Variants in GNA13 observed in about 807,000 individuals in gnomAD.
GNA13 encodes G protein subunit alpha 13.
GNA13 carries 4 observed loss-of-function variants against 33.5 expected under a neutral mutation model. The ratio of observed to expected loss-of-function variants is 0.12; its 90% confidence interval spans 0.06 to 0.27. GNA13 has a LOEUF of 0.27. Among genes scored for constraint, GNA13 ranks in the 10% least tolerant of loss-of-function variants. The pLI is 1.00. For missense variants in GNA13, 319 were observed against 487.2 expected (o/e 0.65, Z 3.25); for synonymous variants, 176 against 183.8 (o/e 0.96, Z 0.34).
In GNA13 at chr17:65,018,273, A is replaced by C; in HGVS notation, c.541T>G (p.Leu181Val). The C allele has an allele frequency of 6.5e-7, 1 of 1,530,902 alleles. No homozygotes were observed. Among genetic ancestry groups the C allele is most frequent in the Non-Finnish European group, 9.1e-7 (1 of 1,104,258 alleles). 94.8% of individuals were successfully genotyped at this position (1,530,902 alleles called of 1,614,324 possible). ...CTTACTGGTTCTCCAAGTTTATCCA[A>C]GTTATCCAGGAAATATTTTACAGAT... ...GESVKYFLDN[L>V]DKLGEPDYIP... Residue 181 changes from leucine (L) to valine (V), a missense_variant, in exon 3 of 4, where the codon TTG becomes GTG. Leu to Val is a conservative substitution (Grantham distance 32, BLOSUM62 1). This residue lies in a region of GNA13 where 136 missense variants were observed against 159.3 expected (regional missense o/e 0.85). Transcript: ENST00000439174.
At chr17:65,045,454 C>T (rs954164265) in intron 2 of GNA13, among the ~76,000 whole-genome samples, 27 of 118,972 alleles carry the variant, frequency 2.3e-4, no homozygotes, top group African/African-American at 8.5e-4. Context: ...GTGGAAGATG[C>T]AATGAGCTGG....
chr17:65,036,054 C>T (rs781336000), intron 2 of GNA13, among the ~76,000 whole-genome samples: 7 of 152,140 alleles, frequency 4.6e-5, no homozygotes, highest in Non-Finnish European at 5.9e-5. Context: ...GGTAATTCTA[C>T]GCCTATGATC....
rs74757351 is a variant in GNA13, at chr17:65,017,725, C to T, written c.561+528G>A. On this transcript the variant is annotated intron_variant, in intron 3 of 3. Coordinates refer to ENST00000439174, the MANE Select transcript of GNA13 (RefSeq NM_006572.6). ...CCTTTTAAATCTAGCCCTCCTACTC[C>T]GTGACTCGACACAAAGGGGGCATGA... Among the ~76,000 whole-genome samples the T allele has an allele frequency of 9.4e-3, 1,433 of 152,194 alleles. 22 individuals are homozygous for T. The highest frequency in any genetic ancestry group is 0.032 in the African/African-American group (1,346 of 41,520).
At chr17:65,053,292 G>GC in intron 2 of GNA13, 1 of 562,228 alleles carries the variant, frequency 1.8e-6, no homozygotes, top group Non-Finnish European at 3.1e-6. Context: ...AAGATATGTA[G>GC]CCTAAAGGTA....
chr17:65,014,179 A>T lies in GNA13; in HGVS notation c.*78T>A. 1.3e-6 allele frequency: 1 copy of T among 793,440 alleles called. No homozygotes were observed. Among genetic ancestry groups the T allele is most frequent in the South Asian group, 1.8e-5 (1 of 56,976 alleles). The allele number at this position is 793,440 out of a possible 1,614,324, so 49.1% of individuals were successfully genotyped here. A position where few individuals can be genotyped will look rare whatever the true frequency, so the allele number is the denominator to read the frequency against. On this transcript the variant is annotated 3_prime_UTR_variant, in exon 4 of 4. Transcript: ENST00000439174. This position sits in a 1 kb window ranked among gnomAD's most constrained non-coding sequence, Gnocchi z 5.3. ...AAGATTGTTCTAATTCTGGTTGTAA[A>T]CTGCTATTTTAAAAAACAAAACAAA... is the stretch of plus-strand genomic sequence containing the variant.
chr17:65,046,642 G>C (rs1257711654), intron 2 of GNA13, among the ~76,000 whole-genome samples: 3 of 152,206 alleles, frequency 2.0e-5, no homozygotes, highest in Admixed American at 1.3e-4. Context: ...GATAAGCAGG[G>C]AACATTCAAT....
chr17:65,037,263 AACC>A (rs1907280290), intron 2 of GNA13, among the ~76,000 whole-genome samples: 1 of 152,212 alleles, frequency 6.6e-6, no homozygotes, highest in African/African-American at 2.4e-5. Flanking sequence ...AGGTCAGAAA[AACC>A]ACAACTTACT....
At chr17:65,024,960 T>C (rs1241263856) in intron 2 of GNA13, among the ~76,000 whole-genome samples, 3 of 152,126 alleles carry the variant, frequency 2.0e-5, no homozygotes, top group Non-Finnish European at 4.4e-5. Flanking sequence ...ATGTAGCCAC[T>C]GTCGAGGCTC....
At chr17:65,030,885 TCTC>T (rs1281760816) in intron 2 of GNA13, among the ~76,000 whole-genome samples, 1 of 152,160 alleles carries the variant, frequency 6.6e-6, no homozygotes, top group Non-Finnish European at 1.5e-5. Flanking sequence ...TGTGTTGAGA[TCTC>T]TTTAGTTATG....
chr17:65,039,859 C>A (rs1046653762), intron 2 of GNA13, among the ~76,000 whole-genome samples: 2 of 152,216 alleles, frequency 1.3e-5, no homozygotes, highest in Admixed American at 1.3e-4. Flanking sequence ...TTCAGTAACA[C>A]GTGACTGCAT....
At chr17:65,039,499 T>C (rs1907380149) in intron 2 of GNA13, among the ~76,000 whole-genome samples, 1 of 152,180 alleles carries the variant, frequency 6.6e-6, no homozygotes, top group African/African-American at 2.4e-5. Context: ...CAGTTCTCCC[T>C]CACTCACTCC....
At chr17:65,029,445 C>T (rs1281065597) in intron 2 of GNA13, among the ~76,000 whole-genome samples, 3 of 152,188 alleles carry the variant, frequency 2.0e-5, no homozygotes, top group Admixed American at 6.5e-5. Context: ...ACCTTATGCT[C>T]CATTTTACAG....
At chr17:65,031,157 G>A (rs918674106) in intron 2 of GNA13, among the ~76,000 whole-genome samples, 1 of 152,174 alleles carries the variant, frequency 6.6e-6, no homozygotes, top group African/African-American at 2.4e-5. Flanking sequence ...TATATGGCAT[G>A]GCCTATTGCT....
chr17:65,027,175 T>G (rs533930260), intron 2 of GNA13, among the ~76,000 whole-genome samples: 16 of 152,334 alleles, frequency 1.1e-4, no homozygotes, highest in African/African-American at 3.8e-4. Context: ...TAATAATTTT[T>G]CTACAATTCT....
intron 2 of GNA13, among the ~76,000 whole-genome samples, chr17:65,027,459 T>TA (rs1906835025): frequency 6.6e-6 from 1 of 152,252 alleles, no homozygotes; most frequent in African/African-American, 2.4e-5. Flanking sequence ...GGGGGCCCTT[T>TA]AAAAATCTAA....
chr17:65,027,496 G>A (rs1037453337), intron 2 of GNA13, among the ~76,000 whole-genome samples: 5 of 152,092 alleles, frequency 3.3e-5, no homozygotes, highest in African/African-American at 1.2e-4. Flanking sequence ...AATTTCCATA[G>A]TGGTTTTATC....
chr17:65,028,262 G>A lies in GNA13; in HGVS notation c.511-9959C>T, dbSNP rs982514037. On this transcript the variant is annotated intron_variant, in intron 2 of 3. Coordinates refer to ENST00000439174, the MANE Select transcript of GNA13 (RefSeq NM_006572.6). ...CAAAACAAAAGTACAAACATTAGGC[G>A]GGCATAGTGATGGGCTCCTGTAGTC... Among the ~76,000 whole-genome samples, 4 of 151,854 alleles carry A rather than the reference G, an allele frequency of 2.6e-5. 1 individual carries two copies. The highest frequency in any genetic ancestry group is 4.2e-4 in the South Asian group (2 of 4,812).
At chr17:65,043,744 C>A (rs1036891) in intron 2 of GNA13, among the ~76,000 whole-genome samples, 145,632 of 152,258 alleles carry the variant, frequency 0.96, 69,980 homozygotes, top group East Asian at 1. Context: ...AAAAAACAAA[C>A]ATCAACGAAG....
At chr17:65,024,976 A>G (rs1297114902) in intron 2 of GNA13, among the ~76,000 whole-genome samples, 2 of 152,106 alleles carry the variant, frequency 1.3e-5, no homozygotes, top group Non-Finnish European at 2.9e-5. Flanking sequence ...GGCTCACTGT[A>G]GCCTTGACCA....
Sources: allele counts gnomAD v4.1 joint callset (sites outside exome capture counted in the v4.1 genomes callset), GRCh38; gene constraint gnomAD v4.1.1; regional missense constraint gnomAD v4.1.1; non-coding constraint Gnocchi (gnomAD v3.1); transcripts MANE v1.5; gene names NCBI Gene and HGNC (gene_info 2026-07-23, HGNC 2026-07-21).